NCAPH2: variants seen among roughly 807,000 people sequenced by gnomAD.
The protein encoded by NCAPH2 is non-SMC condensin II complex subunit H2.
Under a neutral mutation model 88.6 loss-of-function variants are expected in NCAPH2, and 56 were observed. The observed-to-expected ratio is 0.63, with a 90% CI of 0.51 to 0.79. NCAPH2 has a LOEUF of 0.79. Among genes scored for constraint, NCAPH2 ranks in the 30% least tolerant of loss-of-function variants. The pLI, the probability that NCAPH2 is intolerant of heterozygous loss-of-function variation, is 0.00. For missense variants in NCAPH2, 794 were observed against 792.0 expected (o/e 1.00, Z -0.03); for synonymous variants, 378 against 313.6 (o/e 1.21, Z -2.17).
rs766655322 is a variant in NCAPH2 at position 50,519,297 on chromosome 22, A to T, written c.838A>T (p.Lys280Ter). Residue 280 changes from lysine (K) to a stop codon, truncating the protein, a stop_gained, in exon 9 of 20, where the codon AAG (lysine) becomes TAG (stop). Transcript: ENST00000420993. LOFTEE classifies it high-confidence loss of function. ...GGCCCCCAAGGCCGCTCTGGAGCCC[A>T]AGGAGTCCAGGAGCCCGCAGCAGGT... is the stretch of plus-strand genomic sequence containing the variant. Reference protein sequence around the residue: ...ASAPKAALEPKESRSPQQSAA... With the variant: ...ASAPKAALEP 6.2e-7 allele frequency: 1 copy of T among 1,607,880 alleles called. No individual in the cohort carries two copies. Among genetic ancestry groups the T allele is most frequent in the Non-Finnish European group, 8.5e-7 (1 of 1,177,810 alleles).
rs776198405 is a variant in NCAPH2, at chr22:50,517,416, C to G, written c.211-11C>G. On this transcript the variant is annotated splice_polypyrimidine_tract_variant and intron_variant, in intron 2 of 19. Transcript: ENST00000420993. ...CTTTCTGGGTCCTCACTGCCTGCATCTGGTCACCAGGTGGAATACCTCTAC... is the reference window on the plus strand; with the variant it reads ...CTTTCTGGGTCCTCACTGCCTGCATGTGGTCACCAGGTGGAATACCTCTAC... 6.2e-7 allele frequency: 1 copy of G among 1,614,000 alleles called. No homozygotes were observed.
chr22:50,521,091 C>T (rs2069075835), intron 10 of NCAPH2, 55 bp downstream of exon 10: 4 of 1,529,580 alleles, frequency 2.6e-6, no homozygotes, highest in Non-Finnish European at 3.5e-6. Flanking sequence ...GATTCGAGGA[C>T]TGGCTGCCTG....
Position 50,523,653 on chromosome 22 carries a change from ACTGT to A in NCAPH2, c.*282_*285del, listed in dbSNP as rs774544201. The A allele has an allele frequency of 3.0e-5, 48 of 1,613,870 alleles. No individual in the cohort carries two copies. The highest frequency in any genetic ancestry group is 3.7e-5 in the Non-Finnish European group (44 of 1,180,034). On this transcript the variant is annotated 3_prime_UTR_variant, in exon 20 of 20. Coordinates refer to ENST00000420993, the MANE Select transcript of NCAPH2 (RefSeq NM_152299.4). ...GGAAAGCCGCCATGTGCCGCCGCAC[ACTGT>A]CTGAGATCTGCTCAGCCGATCTGCT... is the stretch of plus-strand genomic sequence containing the variant.
chr22:50,517,511 C>T (rs754160402), intron 3 of NCAPH2, 29 bp downstream of exon 3: 5 of 1,613,932 alleles, frequency 3.1e-6, no homozygotes, highest in African/African-American at 2.7e-5. Context: ...CACTGTGCTG[C>T]CCTGCATGTG....
In NCAPH2 at chr22:50,508,364, C is replaced by T. The variant is rs1187697429; in HGVS notation, c.27C>T (p.Ala9=). ...TGGAGGACGTGGAGGCGCGCTTCGC[C>T]CACCTCTTGCAGCCCATCCGCGACC... The part of the protein sequence containing the change: MEDVEARF[A]HLLQPIRDLT... The change falls in exon 1 of 20, where the codon GCC becomes GCT. Residue 9 remains alanine (A), a synonymous_variant. Transcript: ENST00000420993. 1 of 1,483,020 alleles carries T rather than the reference C, an allele frequency of 6.7e-7. No individual in the cohort carries two copies. Among genetic ancestry groups the T allele is most frequent in the Non-Finnish European group, 8.9e-7 (1 of 1,121,124 alleles). 91.9% of individuals were successfully genotyped at this position (1,483,020 alleles called of 1,614,324 possible).
rs1350792968 is a variant in NCAPH2, at chr22:50,524,508, C to T, written c.*1133C>T. ...TGCCCCTGCGACTTGAGACCAGCCA[C>T]CCATCTGAAGGACCCAGCCCACGTT... On this transcript the variant is annotated 3_prime_UTR_variant, in exon 20 of 20. Transcript: ENST00000420993. 2 of 1,306,882 alleles carry T rather than the reference C, an allele frequency of 1.5e-6. No individual in the cohort carries two copies. The highest frequency in any genetic ancestry group is 2.2e-6 in the Non-Finnish European group (2 of 920,020). 81.0% of individuals were successfully genotyped at this position (1,306,882 alleles called of 1,614,324 possible).
intron 1 of NCAPH2, among the ~76,000 whole-genome samples, chr22:50,511,418 T>C (rs2068779464): frequency 7.0e-6 from 1 of 142,566 alleles, no homozygotes; most frequent in Non-Finnish European, 1.5e-5. Flanking sequence ...GCCTCCCGAG[T>C]AGCTGGGACT....
intron 1 of NCAPH2, among the ~76,000 whole-genome samples, chr22:50,516,157 C>T (rs2068916165): frequency 6.6e-6 from 1 of 152,138 alleles, no homozygotes; most frequent in Non-Finnish European, 1.5e-5. Flanking sequence ...AGTCTGTCAG[C>T]CTCTGGCGCC....
In NCAPH2 at chr22:50,517,397, G is replaced by A. The variant is rs1467231567; in HGVS notation, c.211-30G>A. The A allele has an allele frequency of 3.7e-6, 6 of 1,613,022 alleles. No individual in the cohort carries two copies. In the East Asian group the frequency reaches 6.7e-5, roughly 18 times the overall value. The stretch of plus-strand genomic sequence containing the variant: ...CCTTGGGGGTGGGCCCCTCCTTTCT[G>A]GGTCCTCACTGCCTGCATCTGGTCA... On this transcript the variant is annotated intron_variant, in intron 2 of 19. Transcript: ENST00000420993.
At chr22:50,521,158 A>G (rs1411592820) in intron 10 of NCAPH2, 122 bp downstream of exon 10, 12 of 1,160,374 alleles carry the variant, frequency 1.0e-5, no homozygotes, top group Non-Finnish European at 1.5e-5. Context: ...GGCCCTTTGC[A>G]CTTGCTCTCT....
Position 50,518,060 on chromosome 22 carries a change from T to C in NCAPH2, c.500+8T>C. The C allele has an allele frequency of 6.2e-7, 1 of 1,613,832 alleles. No individual in the cohort carries two copies. Among genetic ancestry groups the C allele is most frequent in the Non-Finnish European group, 8.5e-7 (1 of 1,179,850 alleles). On this transcript the variant is annotated splice_region_variant and intron_variant, in intron 6 of 19. Coordinates refer to ENST00000420993, the MANE Select transcript of NCAPH2 (RefSeq NM_152299.4). ...CAACAATCCCCTGTACAGGTAGGGA[T>C]CTGAGCCCAGCGACGGGGAGGGAGG... is the stretch of plus-strand genomic sequence containing the variant.
chr22:50,521,505 C>T, intron 10 of NCAPH2, 38 bp from the exon 11 acceptor site: 1 of 1,608,578 alleles, frequency 6.2e-7, no homozygotes, highest in Non-Finnish European at 8.5e-7. Flanking sequence ...GCTGTGCACC[C>T]CCTACTTCTC....
intron 16 of NCAPH2, 47 bp downstream of exon 16, chr22:50,522,616 G>A: frequency 6.2e-7 from 1 of 1,613,586 alleles, no homozygotes; most frequent in Non-Finnish European, 8.5e-7. Flanking sequence ...CTGGAGCTGG[G>A]GGCAGGGGAG....
In NCAPH2 at chr22:50,522,047, T is replaced by C. The variant is rs376559077; in HGVS notation, c.1162+8T>C. 1.7e-4 allele frequency: 281 copies of C among 1,614,032 alleles called. 1 individual carries two copies. In the East Asian group the frequency reaches 3.0e-3, roughly 17 times the overall value. ...AGGGTCCGTCCTTTGCAGGTGAGGCTGAAGTCCTCGGGGAAGACAGTTTTA... is the reference window on the plus strand; with the variant it reads ...AGGGTCCGTCCTTTGCAGGTGAGGCCGAAGTCCTCGGGGAAGACAGTTTTA... On this transcript the variant is annotated splice_region_variant and intron_variant, in intron 13 of 19. Coordinates refer to ENST00000420993, the MANE Select transcript of NCAPH2 (RefSeq NM_152299.4).
chr22:50,523,930 T>A lies in NCAPH2; in HGVS notation c.*555T>A. 6.2e-7 allele frequency: 1 copy of A among 1,612,884 alleles called. No individual in the cohort carries two copies. On this transcript the variant is annotated 3_prime_UTR_variant, in exon 20 of 20. Transcript: ENST00000420993. ...GGGGTCCACAGTGATGAAGACAGGC[T>A]GCACTGGAGGCAAACCAGGCTCTGC...
rs2069163329 is a variant in NCAPH2 at position 50,523,052 on chromosome 22, G to A, written c.1563G>A (p.Gly521=). 1 of 1,605,440 alleles carries A rather than the reference G, an allele frequency of 6.2e-7. No individual in the cohort carries two copies. Among genetic ancestry groups the A allele is most frequent in the Non-Finnish European group, 8.5e-7 (1 of 1,174,474 alleles). ...TGCCCTTTGACATCCACACCTATGG[G>A]GACCAGCTGGTCTCACGGTTCCCCC... is the stretch of plus-strand genomic sequence containing the variant. The part of the protein sequence containing the change: ...QHVPFDIHTY[G]DQLVSRFPQL... The change falls in exon 19 of 20, where the codon GGG becomes GGA. Residue 521 remains glycine, a synonymous_variant. Coordinates refer to ENST00000420993, the MANE Select transcript of NCAPH2 (RefSeq NM_152299.4).
rs768322566 is a variant in NCAPH2, at chr22:50,522,717, T to C, written c.1422T>C (p.Asn474=). 5.0e-6 allele frequency: 8 copies of C among 1,613,062 alleles called. No individual in the cohort carries two copies. The highest frequency in any genetic ancestry group is 4.2e-6 in the Non-Finnish European group (5 of 1,179,896). Residue 474 remains asparagine, a synonymous_variant, in exon 17 of 20, where the codon AAT becomes AAC. Transcript: ENST00000420993. ...SLSYEELVRR[N]VELFIATSQK... is the part of the protein sequence containing the mutation. Reference sequence around the variant, plus strand: ...GCTACGAGGAGCTGGTTCGAAGGAATGTGGTAGGCCTGGGTTAGAGGGAGA... The same window carrying C: ...GCTACGAGGAGCTGGTTCGAAGGAACGTGGTAGGCCTGGGTTAGAGGGAGA...
chr22:50,508,284 G>T lies in NCAPH2; in HGVS notation c.-54G>T. On this transcript the variant is annotated 5_prime_UTR_variant, in exon 1 of 20. Transcript: ENST00000420993. ...GAACTAGTGGCGGGCTGAGGACGCC[G>T]TACCCCTCGGAAGGCAGCCCTGCGG... The T allele has an allele frequency of 7.5e-7, 1 of 1,328,088 alleles. No individual in the cohort carries two copies. The highest frequency in any genetic ancestry group is 1.0e-6 in the Non-Finnish European group (1 of 998,456). 82.3% of individuals were successfully genotyped at this position (1,328,088 alleles called of 1,614,324 possible).
intron 10 of NCAPH2, 102 bp from the exon 11 acceptor site, chr22:50,521,441 C>T (rs1231699589): frequency 8.0e-7 from 1 of 1,244,542 alleles, no homozygotes; most frequent in Non-Finnish European, 1.2e-6. Flanking sequence ...TGTGTACCCC[C>T]TACTCTTCCT....
Sources: gnomAD v4.1 joint callset for allele counts (sites outside exome capture counted in the v4.1 genomes callset) on GRCh38, gnomAD v4.1.1 for gene constraint, MANE v1.5 for transcripts, NCBI Gene and HGNC (gene_info 2026-07-23, HGNC 2026-07-21) for gene names.